CSMD1: variants seen among roughly 807,000 people sequenced by gnomAD.
CSMD1 encodes CUB and sushi domain-containing protein 1.
CSMD1 carries 213 observed loss-of-function variants against 417.5 expected under a neutral mutation model. That is an observed-to-expected ratio of 0.51 (90% CI 0.46 to 0.57). CSMD1 has a LOEUF of 0.57. CSMD1 is among the 20% of genes least tolerant of loss of function. The pLI is 0.00. For missense variants in CSMD1, 6,923 were observed against 4,529.7 expected, an observed-to-expected ratio of 1.53 and a Z score of -15.17; for synonymous variants, 2,862 against 1,736.8, an observed-to-expected ratio of 1.65 and a Z score of -16.11.
chr8:3,633,591 A>G (rs1409628451), intron 7 of CSMD1, among the ~76,000 whole-genome samples: 2 of 152,264 alleles, frequency 1.3e-5, no homozygotes, highest in African/African-American at 4.8e-5. Context: ...TTAAATTTTC[A>G]TCTTAATTTG....
chr8:3,772,854 C>G (rs373127174), intron 5 of CSMD1, among the ~76,000 whole-genome samples: 1 of 151,934 alleles, frequency 6.6e-6, no homozygotes, highest in East Asian at 1.9e-4. Flanking sequence ...CTCCTCTGCA[C>G]CACATCCTTA....
At position 3,132,501 on chromosome 8, in the gene CSMD1, T is replaced by C. The variant is rs550486571; in HGVS notation, c.6241+9964A>G. Among the ~76,000 whole-genome samples the C allele has an allele frequency of 4.6e-5, 7 of 152,270 alleles. No homozygotes were observed. In the South Asian group the frequency reaches 1.2e-3, roughly 27 times the overall value. ...AAGTAAGCTGTTTGTCTTCAAAGTG[T>C]CACTTTGATGAGTTCAGTCTCATCA... On this transcript the variant is annotated intron_variant, in intron 41 of 69. Coordinates refer to ENST00000635120, the MANE Select transcript of CSMD1 (RefSeq NM_033225.6).
chr8:4,158,541 C>A (rs1024830255), intron 3 of CSMD1, among the ~76,000 whole-genome samples: 2 of 152,114 alleles, frequency 1.3e-5, no homozygotes, highest in Non-Finnish European at 2.9e-5. Flanking sequence ...TTAACACAGC[C>A]GCTAGGTTGT....
intron 1 of CSMD1, among the ~76,000 whole-genome samples, chr8:4,847,705 T>A (rs1218694981): frequency 1.3e-5 from 2 of 152,124 alleles, no homozygotes; most frequent in South Asian, 2.1e-4. Context: ...TGACTTTTCT[T>A]GTTCTTCACG....
intron 6 of CSMD1, among the ~76,000 whole-genome samples, chr8:3,747,860 G>T (rs970921182): frequency 6.6e-6 from 1 of 152,000 alleles, no homozygotes; most frequent in Admixed American, 6.6e-5. Flanking sequence ...AGTTGCTTTG[G>T]GCTGGGGAGG....
intron 1 of CSMD1, among the ~76,000 whole-genome samples, chr8:4,800,725 T>C (rs531631245): frequency 1.7e-4 from 26 of 152,244 alleles, no homozygotes; most frequent in African/African-American, 4.8e-4. Context: ...CAGAGCTGCA[T>C]TGCTTAAGGC....
At chr8:3,425,896 C>A (rs2116998689) in intron 12 of CSMD1, among the ~76,000 whole-genome samples, 1 of 152,126 alleles carries the variant, frequency 6.6e-6, no homozygotes, top group African/African-American at 2.4e-5. Context: ...TAGTGTCTAC[C>A]ATCTCTAAAA....
intron 5 of CSMD1, among the ~76,000 whole-genome samples, chr8:3,815,895 A>C (rs1343181456): frequency 6.6e-6 from 1 of 152,214 alleles, no homozygotes; most frequent in African/African-American, 2.4e-5. Flanking sequence ...CTAAATTATC[A>C]TCAAGAGTAA....
chr8:3,298,456 C>T (rs1463370196), intron 25 of CSMD1, among the ~76,000 whole-genome samples: 2 of 151,428 alleles, frequency 1.3e-5, no homozygotes, highest in South Asian at 2.1e-4. Flanking sequence ...ACTGTACAAT[C>T]TCTCTCTCTC....
intron 1 of CSMD1, among the ~76,000 whole-genome samples, chr8:4,752,745 G>C (rs1317804493): frequency 1.3e-5 from 2 of 152,182 alleles, no homozygotes; most frequent in Admixed American, 6.5e-5. Context: ...TCTTGGATTT[G>C]CTCCGTGGAA....
In CSMD1 at chr8:3,651,325, C is replaced by T. The variant is rs764948877; in HGVS notation, c.1010-34528G>A. ...CCTTACATTGATTCATAAAACCAGA[C>T]AAGATCTAGTCCCCACCCCCACACA... On this transcript the variant is annotated intron_variant, in intron 7 of 69. Transcript: ENST00000635120. Among the ~76,000 whole-genome samples the T allele has an allele frequency of 2.1e-4, 32 of 152,120 alleles. 1 individual carries two copies. Among genetic ancestry groups the T allele is most frequent in the African/African-American group, 7.2e-4 (30 of 41,430 alleles).
chr8:4,896,656 G>A (rs911129257), intron 1 of CSMD1, among the ~76,000 whole-genome samples: 1 of 152,096 alleles, frequency 6.6e-6, no homozygotes, highest in Non-Finnish European at 1.5e-5. Flanking sequence ...TTTAAATATT[G>A]GAAATTTTTT....
rs1015796920 is a variant in CSMD1, at chr8:4,903,992, G to T, written c.85+90340C>A. Reference sequence around the variant, plus strand: ...TTCTCATAAAGTGTAAAATCATATGGCTTCATTTTGTATTTATTTCTTTTA... The same window carrying T: ...TTCTCATAAAGTGTAAAATCATATGTCTTCATTTTGTATTTATTTCTTTTA... On this transcript the variant is annotated intron_variant, in intron 1 of 69. Coordinates refer to ENST00000635120, the MANE Select transcript of CSMD1 (RefSeq NM_033225.6). 3.3e-5 allele frequency among the ~76,000 whole-genome samples: 5 copies of T among 152,160 alleles called. No homozygotes were observed. In the East Asian group the frequency reaches 7.8e-4, roughly 24 times the overall value.
Position 4,568,679 on chromosome 8 carries a change from C to A in CSMD1, c.302+68663G>T, listed in dbSNP as rs187860625. On this transcript the variant is annotated intron_variant, in intron 2 of 69. Coordinates refer to ENST00000635120, the MANE Select transcript of CSMD1 (RefSeq NM_033225.6). ...TCAAATGGTATTTCTGGTTCTAGATCCTTTAGGAATTGCCACACTGTCTTC... is the reference window on the plus strand; with the variant it reads ...TCAAATGGTATTTCTGGTTCTAGATACTTTAGGAATTGCCACACTGTCTTC... Among the ~76,000 whole-genome samples, 14 of 152,236 alleles carry A rather than the reference C, an allele frequency of 9.2e-5. No homozygotes were observed. In the East Asian group the frequency reaches 2.3e-3, roughly 25 times the overall value.
intron 7 of CSMD1, among the ~76,000 whole-genome samples, chr8:3,686,643 A>G (rs993478315): frequency 6.6e-6 from 1 of 152,194 alleles, no homozygotes; most frequent in Non-Finnish European, 1.5e-5. Flanking sequence ...ATCTATACAA[A>G]CAAACCTTGC....
intron 2 of CSMD1, among the ~76,000 whole-genome samples, chr8:4,623,111 G>T (rs1038453398): frequency 6.6e-6 from 1 of 152,046 alleles, no homozygotes; most frequent in Non-Finnish European, 1.5e-5. Flanking sequence ...CAAAGAACTC[G>T]AATCTGGAAT....
chr8:4,759,742 T>C (rs926797195), intron 1 of CSMD1, among the ~76,000 whole-genome samples: 2 of 152,126 alleles, frequency 1.3e-5, no homozygotes, highest in Non-Finnish European at 2.9e-5. Context: ...AAAGACAAGA[T>C]CTCATTCATT....
chr8:4,659,549 C>T (rs1168186669), intron 1 of CSMD1, among the ~76,000 whole-genome samples: 1 of 152,094 alleles, frequency 6.6e-6, no homozygotes, highest in East Asian at 1.9e-4. Flanking sequence ...ATGTCACAGA[C>T]AGTACAATTT....
Position 3,772,437 on chromosome 8 carries a change from A to G in CSMD1, c.819-18395T>C, listed in dbSNP as rs1278453485. Among the ~76,000 whole-genome samples, 2 of 74,402 alleles carry G rather than the reference A, an allele frequency of 2.7e-5. 1 individual carries two copies. The highest frequency in any genetic ancestry group is 4.6e-5 in the Non-Finnish European group (2 of 43,280). The allele number at this position is 74,402 out of a possible 152,430, so 48.8% of individuals were successfully genotyped here. The stretch of plus-strand genomic sequence containing the variant: ...TTTATATATACACATATATACATAC[A>G]TTTATATATACACATATATATACAT... On this transcript the variant is annotated intron_variant, in intron 5 of 69. Coordinates refer to ENST00000635120, the MANE Select transcript of CSMD1 (RefSeq NM_033225.6).
Sources: allele counts gnomAD v4.1 joint callset (sites outside exome capture counted in the v4.1 genomes callset), GRCh38; gene constraint gnomAD v4.1.1; transcripts MANE v1.5; gene names NCBI Gene and HGNC (gene_info 2026-07-23, HGNC 2026-07-21).